Variants in CDH12 observed in about 807,000 individuals in gnomAD.
CDH12 encodes cadherin-12.
In CDH12, 41 loss-of-function variants were observed where a neutral mutation model predicts 74.1. The observed-to-expected ratio is 0.55, with a 90% confidence interval of 0.43 to 0.72. The LOEUF (loss-of-function observed/expected upper bound fraction) is 0.72, where lower values mean the gene tolerates loss of function less well. Among genes scored for constraint, CDH12 ranks in the 30% least tolerant of loss-of-function variants. The probability of loss-of-function intolerance (pLI) is 0.00; values close to 1 mark genes in which losing one functional copy is unlikely to be tolerated. For synonymous variants in CDH12, 399 were observed against 355.0 expected (o/e 1.12, Z -1.39); for missense variants, 945 against 977.2 (o/e 0.97, Z 0.44).
chr5:22,322,147 C>T (rs745324744), intron 3 of CDH12, among the ~76,000 whole-genome samples: 1 of 151,044 alleles, frequency 6.6e-6, no homozygotes, highest in Non-Finnish European at 1.5e-5. Flanking sequence ...TTAAAAAGCA[C>T]TTAAAAACCA....
At chr5:22,704,248 C>G (rs1742866116) in intron 1 of CDH12, among the ~76,000 whole-genome samples, 1 of 152,072 alleles carries the variant, frequency 6.6e-6, no homozygotes, top group Non-Finnish European at 1.5e-5. Context: ...GCAGGAGAAG[C>G]TGGAGAGAGA....
Position 21,880,572 on chromosome 5 carries a change from T to TTTCTTTCCTTCCTTCCTTCCTTCCTTCC in CDH12, c.527-25783_527-25782insGGAAGGAAGGAAGGAAGGAAGGAAAGAA, listed in dbSNP as rs1752224436. On this transcript the variant is annotated intron_variant, in intron 6 of 14. Coordinates refer to ENST00000382254, the MANE Select transcript of CDH12 (RefSeq NM_004061.5). The stretch of plus-strand genomic sequence containing the variant: ...CTTCCTTCCTTCCTTCCCTTCTTTC[T>TTTCTTTCCTTCCTTCCTTCCTTCCTTCC]TTCCTTCCTTCCTTCCTTCCTTCCT... Among the ~76,000 whole-genome samples, 2 of 12,910 alleles carry TTTCTTTCCTTCCTTCCTTCCTTCCTTCC rather than the reference T, an allele frequency of 1.5e-4. 1 individual carries two copies. Among genetic ancestry groups the TTTCTTTCCTTCCTTCCTTCCTTCCTTCC allele is most frequent in the African/African-American group, 3.0e-4 (2 of 6,610 alleles). The allele number at this position is 12,910 out of a possible 152,430, so 8.5% of individuals were successfully genotyped here. A position where few individuals can be genotyped will look rare whatever the true frequency, so the allele number is the denominator to read the frequency against.
chr5:22,035,713 TAC>T (rs149918147), intron 5 of CDH12, among the ~76,000 whole-genome samples: 12,446 of 143,086 alleles, frequency 0.087, 653 homozygotes, highest in African/African-American at 0.16. Context: ...ACTTCACACA[TAC>T]ACACACACAC....
chr5:22,203,254 C>T (rs1170132956), intron 4 of CDH12, among the ~76,000 whole-genome samples: 5 of 152,046 alleles, frequency 3.3e-5, no homozygotes, highest in African/African-American at 2.4e-5. Flanking sequence ...TTTTCCCTCC[C>T]CCCGCCACAG....
chr5:22,632,209 A>C (rs1738620275), intron 1 of CDH12, among the ~76,000 whole-genome samples: 1 of 152,092 alleles, frequency 6.6e-6, no homozygotes, highest in African/African-American at 2.4e-5. Flanking sequence ...CTCTGATACT[A>C]AAAAAGCAGA....
intron 3 of CDH12, among the ~76,000 whole-genome samples, chr5:22,347,144 T>C (rs1740150203): frequency 6.6e-6 from 1 of 152,178 alleles, no homozygotes. Flanking sequence ...GATTGTCAAC[T>C]TGATTGGATT....
At chr5:21,997,392 C>G (rs10214370) in intron 5 of CDH12, among the ~76,000 whole-genome samples, 1 of 151,938 alleles carries the variant, frequency 6.6e-6, no homozygotes, top group South Asian at 2.1e-4. Flanking sequence ...CATCTTTTAT[C>G]ACATGTTATA....
intron 2 of CDH12, among the ~76,000 whole-genome samples, chr5:22,456,131 AT>A (rs1745260439): frequency 6.6e-6 from 1 of 150,518 alleles, no homozygotes; most frequent in South Asian, 2.2e-4. Flanking sequence ...ATATATATAT[AT>A]ATAAAACGAT....
At chr5:22,840,629 C>A (rs1387417547) in intron 1 of CDH12, among the ~76,000 whole-genome samples, 1 of 151,880 alleles carries the variant, frequency 6.6e-6, no homozygotes, top group Non-Finnish European at 1.5e-5. Flanking sequence ...GTTCTCATCT[C>A]TTGAAATATA....
chr5:22,153,183 C>CTTTTTTT (rs70957094), intron 4 of CDH12, among the ~76,000 whole-genome samples: 1 of 138,488 alleles, frequency 7.2e-6, no homozygotes, highest in African/African-American at 2.7e-5. Flanking sequence ...TTTTTCTTTT[C>CTTTTTTT]TTTTTTTTTT....
intron 1 of CDH12, among the ~76,000 whole-genome samples, chr5:22,713,583 T>C (rs1358894420): frequency 7.2e-6 from 1 of 137,946 alleles, no homozygotes; most frequent in East Asian, 2.1e-4. Context: ...CAATACACAC[T>C]GCGTAAGTGT....
chr5:21,814,490 T>C (rs1432849692), intron 9 of CDH12, among the ~76,000 whole-genome samples: 1 of 151,718 alleles, frequency 6.6e-6, no homozygotes, highest in Admixed American at 6.6e-5. Context: ...CACGCCTTTT[T>C]CAACTGTTTT....
chr5:22,005,482 T>G (rs114882444), intron 5 of CDH12, among the ~76,000 whole-genome samples: 30 of 150,074 alleles, frequency 2.0e-4, no homozygotes, highest in Admixed American at 2.7e-4. Context: ...CCTTTTCCTT[T>G]GTGTAGATAT....
chr5:22,099,613 C>T (rs970606183), intron 4 of CDH12, among the ~76,000 whole-genome samples: 11 of 152,086 alleles, frequency 7.2e-5, no homozygotes, highest in East Asian at 1.9e-4. Context: ...TCCTATTCAC[C>T]GTTCTCAACT....
chr5:22,406,157 T>C (rs1742930453), intron 2 of CDH12, among the ~76,000 whole-genome samples: 1 of 152,186 alleles, frequency 6.6e-6, no homozygotes, highest in Non-Finnish European at 1.5e-5. Context: ...GATTATAAAA[T>C]GCTTTCATAA....
intron 1 of CDH12, among the ~76,000 whole-genome samples, chr5:22,783,921 C>A (rs1747504285): frequency 6.6e-6 from 1 of 152,000 alleles, no homozygotes; most frequent in Admixed American, 6.6e-5. Flanking sequence ...CCCATCAGAA[C>A]AAGGCAAGTT....
chr5:22,680,190 C>T (rs1402911542), intron 1 of CDH12, among the ~76,000 whole-genome samples: 1 of 151,968 alleles, frequency 6.6e-6, no homozygotes, highest in East Asian at 1.9e-4. Context: ...AATGTGCCTG[C>T]CTCATTAACT....
intron 1 of CDH12, among the ~76,000 whole-genome samples, chr5:22,568,996 T>C (rs1739420071): frequency 6.6e-6 from 1 of 152,232 alleles, no homozygotes; most frequent in Admixed American, 6.5e-5. Flanking sequence ...TTGTCGCAGC[T>C]GTGACAATTT....
At chr5:22,409,556 T>C (rs1351598361) in intron 2 of CDH12, among the ~76,000 whole-genome samples, 1 of 152,104 alleles carries the variant, frequency 6.6e-6, no homozygotes, top group Non-Finnish European at 1.5e-5. Flanking sequence ...AGAGTCATAA[T>C]ACTTTTCTCT....
Sources: allele counts gnomAD v4.1 joint callset (sites outside exome capture counted in the v4.1 genomes callset), GRCh38; gene constraint gnomAD v4.1.1; transcripts MANE v1.5; gene names NCBI Gene and HGNC (gene_info 2026-07-23, HGNC 2026-07-21).